TTC28: variants seen among roughly 807,000 people sequenced by gnomAD.
The protein encoded by TTC28 is tetratricopeptide repeat domain 28, also known as tetratricopeptide repeat protein 28.
A neutral mutation model predicts 198.0 loss-of-function variants in TTC28; 61 were observed. The ratio of observed to expected loss-of-function variants is 0.31; its 90% CI spans 0.25 to 0.38. TTC28 has a LOEUF of 0.38. Among genes scored for constraint, TTC28 ranks in the 10% least tolerant of loss-of-function variants. TTC28 has a pLI of 1.00. For missense variants in TTC28, 2,678 were observed against 3,164.0 expected, an observed-to-expected ratio of 0.85 and a Z score of 3.69; for synonymous variants, 1,171 against 1,297.8, an observed-to-expected ratio of 0.90 and a Z score of 2.10.
chr22:28,568,463 T>G (rs897310629), intron 2 of TTC28, among the ~76,000 whole-genome samples: 1 of 152,144 alleles, frequency 6.6e-6, no homozygotes, highest in Non-Finnish European at 1.5e-5. Context: ...CACAAAACCC[T>G]GTAGTCTCTG....
At chr22:28,342,487 T>A (rs955377585) in intron 2 of TTC28, among the ~76,000 whole-genome samples, 1 of 152,224 alleles carries the variant, frequency 6.6e-6, no homozygotes, top group Non-Finnish European at 1.5e-5. Context: ...TATTCTGACA[T>A]ATGCTATTTC....
In TTC28 at chr22:27,983,302, A is replaced by G. The variant is rs1420982129; in HGVS notation, c.6365T>C (p.Phe2122Ser). The G allele has an allele frequency of 6.4e-7, 1 of 1,551,266 alleles. No individual in the cohort carries two copies. Residue 2122 changes from phenylalanine (F) to serine (S), a missense_variant, in exon 23 of 23, where the codon TTC becomes TCC. Phe to Ser is a radical substitution (Grantham distance 155, BLOSUM62 -2). Transcript: ENST00000397906. ...GCTTGCTAGTTTTCCCACCTTTTGG[A>G]AGGGTGAGTTGGGGCTGGGAATCAG... is the stretch of plus-strand genomic sequence containing the variant. ...MTLIPSPNSPFQKVGKLASSD... is the reference protein window; with the variant it reads ...MTLIPSPNSPSQKVGKLASSD...
chr22:28,161,214 T>C (rs1601405235), intron 6 of TTC28, among the ~76,000 whole-genome samples: 1 of 152,322 alleles, frequency 6.6e-6, no homozygotes, highest in East Asian at 1.9e-4. Context: ...GAAAATTTTG[T>C]ATCTGTAAAT....
chr22:28,107,919 A>G lies in TTC28; in HGVS notation c.1926T>C (p.Tyr642=). 6.4e-7 allele frequency: 1 copy of G among 1,551,740 alleles called. No individual in the cohort carries two copies. Among genetic ancestry groups the G allele is most frequent in the Non-Finnish European group, 8.7e-7 (1 of 1,147,006 alleles). ...GEGKVCHNLG[Y]AHYCLGNYQE... is the part of the protein sequence containing the mutation. Reference sequence around the variant, plus strand: ...GATAGTTTCCAAGGCAGTAATGGGCATAGCCAAGATTGTGGCAGACCTTCC... The same window carrying G: ...GATAGTTTCCAAGGCAGTAATGGGCGTAGCCAAGATTGTGGCAGACCTTCC... The change falls in exon 7 of 23, where the codon TAT becomes TAC. Residue 642 remains tyrosine, a synonymous_variant. Transcript: ENST00000397906.
chr22:28,019,929 C>T (rs1938524199), intron 13 of TTC28, among the ~76,000 whole-genome samples: 1 of 152,236 alleles, frequency 6.6e-6, no homozygotes, highest in Admixed American at 6.5e-5. Flanking sequence ...ACACATGCAC[C>T]CCTCTGCCGG....
chr22:28,285,809 T>C (rs916313236), intron 5 of TTC28, among the ~76,000 whole-genome samples: 1 of 152,150 alleles, frequency 6.6e-6, no homozygotes. Context: ...TCTAAATGTA[T>C]ACAAAGAGAC....
In TTC28 at chr22:27,993,501, C is replaced by T; in HGVS notation, c.5262G>A (p.Gln1754=). 6 of 1,545,188 alleles carry T rather than the reference C, an allele frequency of 3.9e-6. No homozygotes were observed. The highest frequency in any genetic ancestry group is 5.3e-6 in the Non-Finnish European group (6 of 1,142,364). Residue 1754 remains glutamine (Q), a synonymous_variant, in exon 18 of 23, where the codon CAG becomes CAA. Coordinates refer to ENST00000397906, the MANE Select transcript of TTC28 (RefSeq NM_001145418.2). The part of the protein sequence containing the change: ...VLLHLVEKSL[Q]RIQNGQRNAM... ...CATTGCGCTGCCCATTCTGGATGCG[C>T]TGCAGGGATTTCTCCACCTGAGGGG... is the stretch of plus-strand genomic sequence containing the variant.
chr22:28,207,159 T>C (rs1401731853), intron 5 of TTC28, among the ~76,000 whole-genome samples: 1 of 137,832 alleles, frequency 7.3e-6, no homozygotes, highest in African/African-American at 2.8e-5. Context: ...TGAGTGCAAA[T>C]AACTGACAAG....
chr22:28,444,716 A>G (rs888919087), intron 2 of TTC28, among the ~76,000 whole-genome samples: 7 of 152,184 alleles, frequency 4.6e-5, no homozygotes, highest in Middle Eastern at 3.2e-3. Context: ...CAATGACCCT[A>G]CTAGAGCTTA....
intron 2 of TTC28, among the ~76,000 whole-genome samples, chr22:28,585,695 T>C (rs938092298): frequency 6.6e-6 from 1 of 152,144 alleles, no homozygotes; most frequent in Non-Finnish European, 1.5e-5. Context: ...GAGGGGCTAG[T>C]TGATTTGTCC....
At chr22:28,432,956 C>G (rs1450353638) in intron 2 of TTC28, among the ~76,000 whole-genome samples, 1 of 152,110 alleles carries the variant, frequency 6.6e-6, no homozygotes, top group African/African-American at 2.4e-5. Context: ...ACCCAGGGTC[C>G]CCACCAAAGT....
At chr22:28,630,653 A>G (rs1389491283) in intron 1 of TTC28, among the ~76,000 whole-genome samples, 2 of 152,176 alleles carry the variant, frequency 1.3e-5, no homozygotes, top group Non-Finnish European at 2.9e-5. Flanking sequence ...AGACTAAGAC[A>G]TCATCTGAAC....
intron 2 of TTC28, among the ~76,000 whole-genome samples, chr22:28,413,819 C>A (rs1170418238): frequency 2.0e-5 from 3 of 151,984 alleles, no homozygotes; most frequent in Admixed American, 6.6e-5. Flanking sequence ...GATGATACAG[C>A]AAAATAAATG....
intron 5 of TTC28, among the ~76,000 whole-genome samples, chr22:28,258,027 G>T (rs928972532): frequency 6.6e-6 from 1 of 151,764 alleles, no homozygotes; most frequent in African/African-American, 2.4e-5. Flanking sequence ...TTTGCCCTCT[G>T]AACTTTGTCA....
chr22:28,072,074 C>A (rs1181184240), intron 12 of TTC28, among the ~76,000 whole-genome samples: 1 of 152,144 alleles, frequency 6.6e-6, no homozygotes, highest in Non-Finnish European at 1.5e-5. Context: ...CTTTGATCGT[C>A]CCAGATGATA....
Position 28,552,934 on chromosome 22 carries a change from G to A in TTC28, c.381+76618C>T, listed in dbSNP as rs568999235. ...GTCGAGTGCCTGTGATTGCAGGCGCGCGCCACCATGCCTGACTGGTTTTCG... is the reference window on the plus strand; with the variant it reads ...GTCGAGTGCCTGTGATTGCAGGCGCACGCCACCATGCCTGACTGGTTTTCG... On this transcript the variant is annotated intron_variant, in intron 2 of 22. Coordinates refer to ENST00000397906, the MANE Select transcript of TTC28 (RefSeq NM_001145418.2). 3.6e-3 allele frequency among the ~76,000 whole-genome samples: 542 copies of A among 152,254 alleles called. 5 individuals are homozygous for A. Among genetic ancestry groups the A allele is most frequent in the African/African-American group, 0.011 (462 of 41,552 alleles).
At chr22:28,311,674 ACT>A (rs1234672784) in intron 2 of TTC28, among the ~76,000 whole-genome samples, 13 of 152,162 alleles carry the variant, frequency 8.5e-5, no homozygotes, top group African/African-American at 2.2e-4. Flanking sequence ...ATCCAATTAT[ACT>A]CTTTTAGTTA....
chr22:28,317,634 T>C (rs2045373188), intron 2 of TTC28, among the ~76,000 whole-genome samples: 3 of 152,156 alleles, frequency 2.0e-5, no homozygotes, highest in Admixed American at 1.3e-4. Context: ...CATAATGGGA[T>C]TGCTCTCATG....
At chr22:28,199,524 C>A (rs1044198631) in intron 5 of TTC28, among the ~76,000 whole-genome samples, 10 of 59,576 alleles carry the variant, frequency 1.7e-4, no homozygotes, top group Non-Finnish European at 4.1e-4. Flanking sequence ...AAAAGAAATA[C>A]CTATACATAT....
Sources: allele counts gnomAD v4.1 joint callset (sites outside exome capture counted in the v4.1 genomes callset), GRCh38; gene constraint gnomAD v4.1.1; transcripts MANE v1.5; gene names NCBI Gene and HGNC (gene_info 2026-07-23, HGNC 2026-07-21).